Variants in DOT1L observed in about 807,000 individuals in gnomAD.
DOT1L encodes the protein DOT1 like histone lysine methyltransferase.
Under a neutral mutation model 153.3 loss-of-function variants are expected in DOT1L, and 33 were observed. That is an observed-to-expected ratio of 0.22 (90% CI 0.16 to 0.29). The LOEUF (loss-of-function observed/expected upper bound fraction) is 0.29, where lower values mean the gene tolerates loss of function less well. Among genes scored for constraint, DOT1L ranks in the 10% least tolerant of loss-of-function variants. The probability of loss-of-function intolerance (pLI) is 1.00; values close to 1 mark genes in which losing one functional copy is unlikely to be tolerated. For missense variants in DOT1L, 1,847 were observed against 2,119.9 expected (o/e 0.87, Z 2.53); for synonymous variants, 1,135 against 965.1 (o/e 1.18, Z -3.26).
Position 2,226,489 on chromosome 19 carries a change from C to T in DOT1L, c.3968C>T (p.Ala1323Val), listed in dbSNP as rs1010180241. 6 of 1,600,812 alleles carry T rather than the reference C, an allele frequency of 3.7e-6. No individual in the cohort carries two copies. The highest frequency in any genetic ancestry group is 5.1e-6 in the Non-Finnish European group (6 of 1,179,670). ...ANGCTFGGGL[A>V]ADLSLHSFSD... ...GGCTGCACCTTCGGCGGGGGCCTGG[C>T]CGCGGACCTGAGTTTACACAGCTTC... The change falls in exon 27 of 28, where the codon GCC becomes GTC. Residue 1323 changes from alanine (A) to valine (V), a missense_variant. By Grantham distance (64) the Ala-to-Val change is moderately conservative (BLOSUM62 0). Around this residue, in one of 8 missense-constraint regions of DOT1L, gnomAD observed 934 missense variants for 825.3 expected, o/e 1.13. Transcript: ENST00000398665.
chr19:2,180,866 T>C, intron 2 of DOT1L, 110 bp downstream of exon 2: 1 of 1,339,314 alleles, frequency 7.5e-7, no homozygotes, highest in Non-Finnish European at 1.0e-6. Flanking sequence ...GGTGGACTCC[T>C]GGAGGTGTTG....
At position 2,194,497 on chromosome 19, in the gene DOT1L, T is replaced by C. The variant is rs2022934172; in HGVS notation, c.589-18T>C. On this transcript the variant is annotated intron_variant, in intron 6 of 27. Transcript: ENST00000398665. ...GCCCTGAGAGTTTGTAACGGGCGTTTGGTTTCTTTCCTTCCAGACCATGGA... is the reference window on the plus strand; with the variant it reads ...GCCCTGAGAGTTTGTAACGGGCGTTCGGTTTCTTTCCTTCCAGACCATGGA... The C allele has an allele frequency of 6.2e-7, 1 of 1,613,782 alleles. No homozygotes were observed. The highest frequency in any genetic ancestry group is 1.3e-5 in the African/African-American group (1 of 74,932).
At chr19:2,177,956 T>C (rs2022030852) in intron 1 of DOT1L, among the ~76,000 whole-genome samples, 1 of 150,964 alleles carries the variant, frequency 6.6e-6, no homozygotes, top group East Asian at 1.9e-4. Context: ...GGATTCTCAC[T>C]CTGTATCCCA....
chr19:2,199,967 A>G (rs747741168), intron 8 of DOT1L, 28 bp downstream of exon 8: 16 of 1,611,694 alleles, frequency 9.9e-6, no homozygotes, highest in Non-Finnish European at 1.4e-5. Context: ...CATGCAGGGC[A>G]TGTGGGGTGT....
At chr19:2,183,799 G>A (rs1014201761) in intron 2 of DOT1L, among the ~76,000 whole-genome samples, 137 of 152,004 alleles carry the variant, frequency 9.0e-4, no homozygotes, top group African/African-American at 3.2e-3. Context: ...GCAAATTTTT[G>A]TGTTTTTAGT....
At chr19:2,171,615 C>T (rs543197418) in intron 1 of DOT1L, among the ~76,000 whole-genome samples, 22 of 152,294 alleles carry the variant, frequency 1.4e-4, no homozygotes, top group Non-Finnish European at 8.8e-5. Flanking sequence ...GGGCACCGAC[C>T]GCCGCCGGGT....
At chr19:2,218,361 T>G (rs2023980491) in intron 22 of DOT1L, among the ~76,000 whole-genome samples, 1 of 152,254 alleles carries the variant, frequency 6.6e-6, no homozygotes, top group East Asian at 1.9e-4. Context: ...GCTTCAAGTA[T>G]ATGCTTCAGT....
Position 2,208,826 on chromosome 19 carries a change from A to T in DOT1L, c.964-109A>T. 1 of 1,169,292 alleles carries T rather than the reference A, an allele frequency of 8.6e-7. No individual in the cohort carries two copies. Among genetic ancestry groups the T allele is most frequent in the Non-Finnish European group, 1.2e-6 (1 of 813,046 alleles). The allele number at this position is 1,169,292 out of a possible 1,614,324, so 72.4% of individuals were successfully genotyped here. Reference sequence around the variant, plus strand: ...ATGCCTGCTGTCCCCAGATACCAGAACAGCCTCCCCAGCCACTGTCCAGGT... The same window carrying T: ...ATGCCTGCTGTCCCCAGATACCAGATCAGCCTCCCCAGCCACTGTCCAGGT... On this transcript the variant is annotated intron_variant, in intron 11 of 27. Coordinates refer to ENST00000398665, the MANE Select transcript of DOT1L (RefSeq NM_032482.3). The surrounding 1 kb of genome is among the most constrained non-coding windows in gnomAD (Gnocchi z 4.4).
chr19:2,202,191 A>G (rs890582315), intron 8 of DOT1L, among the ~76,000 whole-genome samples: 1 of 152,202 alleles, frequency 6.6e-6, no homozygotes, highest in Non-Finnish European at 1.5e-5. Flanking sequence ...CTGGGCCTGC[A>G]GGGGAGCCTC....
chr19:2,202,093 G>A (rs555056123), intron 8 of DOT1L, among the ~76,000 whole-genome samples: 1 of 152,210 alleles, frequency 6.6e-6, no homozygotes, highest in Non-Finnish European at 1.5e-5. Flanking sequence ...CCGACCTCAC[G>A]TCTAGCCTCC....
At chr19:2,172,141 A>AT (rs1263501496) in intron 1 of DOT1L, among the ~76,000 whole-genome samples, 1 of 151,692 alleles carries the variant, frequency 6.6e-6, no homozygotes, top group Non-Finnish European at 1.5e-5. Context: ...TCTGCACAGC[A>AT]TGCAGCTCCC....
chr19:2,166,357 A>T (rs1014677761), intron 1 of DOT1L, among the ~76,000 whole-genome samples: 1 of 152,000 alleles, frequency 6.6e-6, no homozygotes, highest in African/African-American at 2.4e-5. Context: ...CGGCCTCCCA[A>T]AGTGCTGGGA....
Position 2,222,481 on chromosome 19 carries a change from C to T in DOT1L, c.3312C>T (p.Ser1104=), listed in dbSNP as rs750549771. 6.9e-6 allele frequency: 11 copies of T among 1,597,358 alleles called. No homozygotes were observed. Among genetic ancestry groups the T allele is most frequent in the Non-Finnish European group, 9.4e-6 (11 of 1,174,584 alleles). ...AGTPSLSAGV[S]PKRRALPSVA... ...CGCCCAGCTTGAGCGCAGGCGTGTC[C>T]CCCAAGCGCCGAGCCCTGCCGTCCG... The change falls in exon 24 of 28, where the codon TCC becomes TCT. Residue 1104 remains serine (S), a synonymous_variant. Coordinates refer to ENST00000398665, the MANE Select transcript of DOT1L (RefSeq NM_032482.3). The surrounding 1 kb of genome is among the most constrained non-coding windows in gnomAD (Gnocchi z 6.5).
At chr19:2,223,226 G>A in intron 24 of DOT1L, 55 bp from the exon 25 acceptor site, 1 of 1,593,650 alleles carries the variant, frequency 6.3e-7, no homozygotes, top group Non-Finnish European at 8.6e-7. Flanking sequence ...GGGCTCTCCT[G>A]CCTTGGGGTC....
Position 2,223,307 on chromosome 19 carries a change from GATT to G in DOT1L, c.3419_3421del (p.Ile1140del). On this transcript the variant is annotated inframe_deletion, in exon 25 of 28. Coordinates refer to ENST00000398665, the MANE Select transcript of DOT1L (RefSeq NM_032482.3). The stretch of plus-strand genomic sequence containing the variant: ...TCAGTAACATCAACCAGCCCCTGGA[GATT>G]ACAGCCATCTCGTCCCCGGAGACCT... The G allele has an allele frequency of 6.2e-7, 1 of 1,613,672 alleles. No homozygotes were observed. Among genetic ancestry groups the G allele is most frequent in the South Asian group, 1.1e-5 (1 of 91,048 alleles).
intron 7 of DOT1L, among the ~76,000 whole-genome samples, chr19:2,198,814 C>T (rs1231513183): frequency 1.3e-5 from 2 of 152,204 alleles, no homozygotes; most frequent in African/African-American, 4.8e-5. Flanking sequence ...ACTGCGTGGC[C>T]CTCTGTGTCC....
rs1198258224 is a variant in DOT1L, at chr19:2,210,807, G to A, written c.1303G>A (p.Ala435Thr). 1 of 1,612,900 alleles carries A rather than the reference G, an allele frequency of 6.2e-7. No individual in the cohort carries two copies. Among genetic ancestry groups the A allele is most frequent in the Non-Finnish European group, 8.5e-7 (1 of 1,179,980 alleles). ...KPKKNQTALD[A>T]LHAQTVSQTA... is the part of the protein sequence containing the mutation. ...CAAGAAGAACCAAACTGCACTGGAT[G>A]CCCTGCACGCTCAGACCGTGTCTCA... The change falls in exon 14 of 28, where the codon GCC (alanine) becomes ACC (threonine). Residue 435 changes from alanine (A) to threonine (T), a missense_variant. Physicochemically the swap from Ala to Thr is moderately conservative, Grantham distance 58. Transcript: ENST00000398665.
At chr19:2,170,252 G>A (rs1483755942) in intron 1 of DOT1L, among the ~76,000 whole-genome samples, 1 of 152,218 alleles carries the variant, frequency 6.6e-6, no homozygotes, top group African/African-American at 2.4e-5. Flanking sequence ...GATAGTGTCC[G>A]AGACCAGGAT....
intron 1 of DOT1L, among the ~76,000 whole-genome samples, chr19:2,177,712 A>G (rs2022015711): frequency 6.6e-6 from 1 of 151,640 alleles, no homozygotes; most frequent in African/African-American, 2.4e-5. Context: ...AACCCTCGCC[A>G]GCCCTGCTCT....
Sources: gnomAD v4.1 joint callset for allele counts (sites outside exome capture counted in the v4.1 genomes callset) on GRCh38, gnomAD v4.1.1 for gene constraint, gnomAD v4.1.1 regional missense constraint, Gnocchi (gnomAD v3.1) non-coding constraint, MANE v1.5 for transcripts, NCBI Gene and HGNC (gene_info 2026-07-23, HGNC 2026-07-21) for gene names.